The following GALNT10 variants were observed in gnomAD, a reference collection of about 807,000 sequenced individuals.
GALNT10 encodes the protein GalNAc transferase 10.
Under a neutral mutation model 75.0 loss-of-function variants are expected in GALNT10, and 41 were observed. That is an observed-to-expected ratio of 0.55 (90% CI 0.43 to 0.71). The LOEUF (loss-of-function observed/expected upper bound fraction) is 0.71. Among genes scored for constraint, GALNT10 ranks in the 30% least tolerant of loss-of-function variants. The probability of loss-of-function intolerance (pLI) is 0.00; values close to 1 mark genes in which losing one functional copy is unlikely to be tolerated. For missense variants in GALNT10, 727 were observed against 818.5 expected, an observed-to-expected ratio of 0.89 and a Z score of 1.36; for synonymous variants, 302 against 313.0, an observed-to-expected ratio of 0.96 and a Z score of 0.37.
chr5:154,319,200 T>C (rs1304039407), intron 3 of GALNT10, among the ~76,000 whole-genome samples: 2 of 151,972 alleles, frequency 1.3e-5, no homozygotes, highest in African/African-American at 2.4e-5. Context: ...CCATCTAGGG[T>C]GAGGGAAACA....
At chr5:154,270,763 A>G (rs13166973) in intron 1 of GALNT10, among the ~76,000 whole-genome samples, 61,452 of 151,496 alleles carry the variant, frequency 0.41, 14,715 homozygotes, top group East Asian at 0.76. Context: ...GGGAGGCTGA[A>G]TGGACAGATC....
chr5:154,243,394 T>C (rs1043104114), intron 1 of GALNT10, among the ~76,000 whole-genome samples: 3 of 152,248 alleles, frequency 2.0e-5, no homozygotes, highest in Non-Finnish European at 4.4e-5. Flanking sequence ...CTATTTAACA[T>C]AGGACTGCTT....
At chr5:154,279,747 A>T (rs921205839) in intron 1 of GALNT10, among the ~76,000 whole-genome samples, 18 of 148,042 alleles carry the variant, frequency 1.2e-4, no homozygotes, top group African/African-American at 4.0e-4. Context: ...CACCTGACAA[A>T]TTTTTTTTTT....
At chr5:154,206,012 T>C (rs1279525887) in intron 1 of GALNT10, among the ~76,000 whole-genome samples, 1 of 152,224 alleles carries the variant, frequency 6.6e-6, no homozygotes, top group Non-Finnish European at 1.5e-5. Context: ...TTCCATTTTC[T>C]CATCAGATTG....
intron 1 of GALNT10, among the ~76,000 whole-genome samples, chr5:154,248,848 G>T (rs1396590362): frequency 6.6e-6 from 1 of 152,182 alleles, no homozygotes; most frequent in Admixed American, 6.5e-5. Flanking sequence ...TTTCTTTCAT[G>T]CTGGTCATAT....
chr5:154,242,585 G>A (rs1277999875), intron 1 of GALNT10, among the ~76,000 whole-genome samples: 1 of 152,168 alleles, frequency 6.6e-6, no homozygotes, highest in South Asian at 2.1e-4. Flanking sequence ...CAGTGGCCAG[G>A]CAAAAGCTCC....
chr5:154,327,548 T>G (rs1313082919), intron 3 of GALNT10, among the ~76,000 whole-genome samples: 1 of 152,252 alleles, frequency 6.6e-6, no homozygotes, highest in African/African-American at 2.4e-5. Flanking sequence ...CCAGTAAGAA[T>G]AATAACTGCA....
chr5:154,349,218 G>A (rs1306838036), intron 4 of GALNT10, among the ~76,000 whole-genome samples: 1 of 152,090 alleles, frequency 6.6e-6, no homozygotes, highest in Non-Finnish European at 1.5e-5. Flanking sequence ...CACTGAGGCA[G>A]GATGGTCTCT....
Position 154,298,091 on chromosome 5 carries a change from A to G in GALNT10, c.401+12A>G, listed in dbSNP as rs1165905916. 5.0e-6 allele frequency: 8 copies of G among 1,609,870 alleles called. No homozygotes were observed. The highest frequency in any genetic ancestry group is 6.8e-6 in the Non-Finnish European group (8 of 1,177,388). Reference sequence around the variant, plus strand: ...ATCCGGCACCCAAAGTGAGTGTAACATCTCTCAAATTCTGAGATCTAAGGA... The same window carrying G: ...ATCCGGCACCCAAAGTGAGTGTAACGTCTCTCAAATTCTGAGATCTAAGGA... On this transcript the variant is annotated intron_variant, in intron 3 of 11. Coordinates refer to ENST00000297107, the MANE Select transcript of GALNT10 (RefSeq NM_198321.4). This position sits in a 1 kb window ranked among gnomAD's most constrained non-coding sequence, Gnocchi z 4.1.
chr5:154,355,835 C>T (rs533613338), intron 4 of GALNT10, among the ~76,000 whole-genome samples: 10 of 152,260 alleles, frequency 6.6e-5, no homozygotes, highest in East Asian at 3.9e-4. Context: ...AGGACATTGA[C>T]GCTCAGGAAG....
intron 3 of GALNT10, among the ~76,000 whole-genome samples, chr5:154,314,378 C>G (rs577796625): frequency 6.1e-4 from 93 of 152,252 alleles, no homozygotes; most frequent in South Asian, 3.5e-3. Context: ...GACCAAGGGC[C>G]ACTGTTTGAG....
rs373825540 is a variant in GALNT10 at position 154,416,976 on chromosome 5, C to T, written c.*4C>T. The T allele has an allele frequency of 1.2e-5, 19 of 1,613,918 alleles. No homozygotes were observed. In the African/African-American group the frequency reaches 2.1e-4, roughly 18 times the overall value. On this transcript the variant is annotated 3_prime_UTR_variant, in exon 12 of 12. Transcript: ENST00000297107. The surrounding 1 kb of genome is among the most constrained non-coding windows in gnomAD (Gnocchi z 4.5). The stretch of plus-strand genomic sequence containing the variant: ...GGAAAAATTCAATAGGAACTGAGCC[C>T]TCATGTCCCCTTGGCAGGCCCCCCA...
At position 154,298,981 on chromosome 5, in the gene GALNT10, CT is replaced by C. The variant is rs1754323202; in HGVS notation, c.401+903del. 6.6e-6 allele frequency among the ~76,000 whole-genome samples: 1 copy of C among 152,190 alleles called. No homozygotes were observed. The highest frequency in any genetic ancestry group is 2.4e-5 in the African/African-American group (1 of 41,444). On this transcript the variant is annotated intron_variant, in intron 3 of 11. Coordinates refer to ENST00000297107, the MANE Select transcript of GALNT10 (RefSeq NM_198321.4). The surrounding 1 kb of genome is among the most constrained non-coding windows in gnomAD (Gnocchi z 4.1). ...TCTTGGGACCACACTTTGAGAATCA[CT>C]GCAAGTAGATTTCAGAATTGCTTCT...
At chr5:154,201,977 T>G (rs1775034600) in intron 1 of GALNT10, among the ~76,000 whole-genome samples, 1 of 152,048 alleles carries the variant, frequency 6.6e-6, no homozygotes, top group South Asian at 2.1e-4. Flanking sequence ...AGAATCCACC[T>G]TGTTTTCTGC....
In GALNT10 at chr5:154,406,947, C is replaced by T. The variant is rs186882260; in HGVS notation, c.1165-2594C>T. ...AGAGAAACTGAGATTGTACGGACTCCGGAAGGACAAACAGCCAGACAGCCT... is the reference window on the plus strand; with the variant it reads ...AGAGAAACTGAGATTGTACGGACTCTGGAAGGACAAACAGCCAGACAGCCT... On this transcript the variant is annotated intron_variant, in intron 8 of 11. Transcript: ENST00000297107. 4.7e-3 allele frequency among the ~76,000 whole-genome samples: 721 copies of T among 152,228 alleles called. 3 individuals carry two copies. The highest frequency in any genetic ancestry group is 7.4e-3 in the Non-Finnish European group (502 of 68,012).
intron 3 of GALNT10, among the ~76,000 whole-genome samples, chr5:154,302,448 C>T (rs1367841193): frequency 6.6e-6 from 1 of 152,242 alleles, no homozygotes; most frequent in Non-Finnish European, 1.5e-5. Flanking sequence ...GGCTGGCCCA[C>T]TTTCCCTACT....
At chr5:154,249,364 TG>T (rs150746727) in intron 1 of GALNT10, among the ~76,000 whole-genome samples, 2,308 of 152,240 alleles carry the variant, frequency 0.015, 46 homozygotes, top group African/African-American at 0.053. Flanking sequence ...TCCATTCCAG[TG>T]GGCAGAGACA....
intron 4 of GALNT10, among the ~76,000 whole-genome samples, chr5:154,336,500 A>G (rs1754947699): frequency 6.6e-6 from 1 of 152,134 alleles, no homozygotes; most frequent in Non-Finnish European, 1.5e-5. Flanking sequence ...AGCATTTGAT[A>G]TTGTCAGTGT....
rs1316460990 is a variant in GALNT10, at chr5:154,416,626, A to G, written c.1654-188A>G. Among the ~76,000 whole-genome samples the G allele has an allele frequency of 6.6e-6, 1 of 152,058 alleles. No homozygotes were observed. The highest frequency in any genetic ancestry group is 2.4e-5 in the African/African-American group (1 of 41,384). The stretch of plus-strand genomic sequence containing the variant: ...ATCCCAGCGGGCAGAACCCAGTCCC[A>G]CGGCAATACCAGCTGCAAGGGAGGC... On this transcript the variant is annotated intron_variant, in intron 11 of 11. Transcript: ENST00000297107. This position sits in a 1 kb window ranked among gnomAD's most constrained non-coding sequence, Gnocchi z 4.5.
Sources: allele counts gnomAD v4.1 joint callset (sites outside exome capture counted in the v4.1 genomes callset), GRCh38; gene constraint gnomAD v4.1.1; non-coding constraint Gnocchi (gnomAD v3.1); transcripts MANE v1.5; gene names NCBI Gene and HGNC (gene_info 2026-07-23, HGNC 2026-07-21).